XPO6: variants seen among roughly 807,000 people sequenced by gnomAD.
XPO6 encodes exportin 6.
In XPO6, 3 loss-of-function variants were observed where a neutral mutation model predicts 130.0. The observed-to-expected ratio is 0.02, with a 90% CI of 0.01 to 0.06. XPO6 has a LOEUF of 0.06. Among genes scored for constraint, XPO6 ranks in the 10% least tolerant of loss-of-function variants. The pLI, the probability that XPO6 is intolerant of heterozygous loss-of-function variation, is 1.00. For synonymous variants in XPO6, 524 were observed against 548.9 expected (o/e 0.95, Z 0.63); for missense variants, 970 against 1,393.0 (o/e 0.70, Z 4.83).
chr16:28,156,040 T>G (rs1567627394), intron 7 of XPO6, 34 bp downstream of exon 7: 1 of 1,560,658 alleles, frequency 6.4e-7, no homozygotes, highest in African/African-American at 1.4e-5. Flanking sequence ...GGCCCTTTCT[T>G]GGGGCACACC....
Position 28,101,723 on chromosome 16 carries a change from C to T in XPO6, c.3046-35G>A. 1 of 1,589,318 alleles carries T rather than the reference C, an allele frequency of 6.3e-7. No individual in the cohort carries two copies. Among genetic ancestry groups the T allele is most frequent in the South Asian group, 1.1e-5 (1 of 87,908 alleles). On this transcript the variant is annotated intron_variant, in intron 22 of 23. Coordinates refer to ENST00000304658, the MANE Select transcript of XPO6 (RefSeq NM_015171.4). The surrounding 1 kb of genome is among the most constrained non-coding windows in gnomAD (Gnocchi z 5.4). Reference sequence around the variant, plus strand: ...GAGAGACCAGGTGAGCAGCAGCCAGCCCCCAGGGGCCTGTCCCGGGTCCCA... The same window carrying T: ...GAGAGACCAGGTGAGCAGCAGCCAGTCCCCAGGGGCCTGTCCCGGGTCCCA...
chr16:28,180,672 C>T (rs779347030), intron 2 of XPO6, among the ~76,000 whole-genome samples: 38 of 152,074 alleles, frequency 2.5e-4, no homozygotes, highest in African/African-American at 7.2e-4. Flanking sequence ...TCCCACCCCA[C>T]CCTAGACGCC....
intron 17 of XPO6, chr16:28,111,256 T>C (rs2086912956): frequency 6.6e-6 from 1 of 152,268 alleles, no homozygotes; most frequent in Admixed American, 6.5e-5. Flanking sequence ...TTTTAAAATA[T>C]TTCGGTACTA....
At position 28,125,763 on chromosome 16, in the gene XPO6, C is replaced by T; in HGVS notation, c.1692G>A (p.Val564=). 2 of 1,614,232 alleles carry T rather than the reference C, an allele frequency of 1.2e-6. No homozygotes were observed. Among genetic ancestry groups the T allele is most frequent in the African/African-American group, 2.7e-5 (2 of 75,056 alleles). ...LRDLSSLLQA[V]GRLAEYFIGD... Reference sequence around the variant, plus strand: ...CGATAAAGTACTCGGCCAGGCGGCCCACGGCCTGCAGCAGGGAGCTCAAGT... The same window carrying T: ...CGATAAAGTACTCGGCCAGGCGGCCTACGGCCTGCAGCAGGGAGCTCAAGT... The change falls in exon 13 of 24, where the codon GTG becomes GTA. Residue 564 remains valine, a synonymous_variant. Transcript: ENST00000304658.
intron 1 of XPO6, among the ~76,000 whole-genome samples, chr16:28,199,908 G>A (rs1410287455): frequency 1.3e-5 from 2 of 150,896 alleles, no homozygotes; most frequent in African/African-American, 4.9e-5. Context: ...TGTAATCCCA[G>A]CACTTTGGGA....
intron 12 of XPO6, among the ~76,000 whole-genome samples, chr16:28,127,136 C>T (rs2087439802): frequency 6.6e-6 from 1 of 152,198 alleles, no homozygotes; most frequent in Non-Finnish European, 1.5e-5. Context: ...CAACTCAGCT[C>T]TCTCATGGCC....
chr16:28,141,204 C>T (rs1043620309), intron 9 of XPO6, among the ~76,000 whole-genome samples: 3 of 152,238 alleles, frequency 2.0e-5, no homozygotes, highest in African/African-American at 7.2e-5. Flanking sequence ...TCTAATGTCA[C>T]CAGAATCCCT....
intron 6 of XPO6, among the ~76,000 whole-genome samples, chr16:28,163,980 G>C (rs1347357093): frequency 6.6e-6 from 1 of 152,142 alleles, no homozygotes; most frequent in East Asian, 1.9e-4. Flanking sequence ...AACAATTTGG[G>C]GGAACTATGC....
Position 28,101,678 on chromosome 16 carries a change from C to T in XPO6, c.3056G>A (p.Arg1019Gln), listed in dbSNP as rs199516479. The T allele has an allele frequency of 1.7e-3, 2,676 of 1,606,768 alleles. 3 individuals are homozygous for T. The highest frequency in any genetic ancestry group is 2.0e-3 in the Non-Finnish European group (2,341 of 1,174,032). Reference sequence around the variant, plus strand: ...CACAAACTGGAACAGCATGGCAGTCCGGAAGATCTTCTGCAGGCAGAGAGA... The same window carrying T: ...CACAAACTGGAACAGCATGGCAGTCTGGAAGATCTTCTGCAGGCAGAGAGA... The part of the protein sequence containing the change: ...KQKLYHKKIF[R>Q]TAMLFQFVNV... The change falls in exon 23 of 24, where the codon CGG becomes CAG. Residue 1019 changes from arginine (R) to glutamine (Q), a missense_variant. By Grantham distance (43) the Arg-to-Gln change is conservative (BLOSUM62 1). Coordinates refer to ENST00000304658, the MANE Select transcript of XPO6 (RefSeq NM_015171.4). This position sits in a 1 kb window ranked among gnomAD's most constrained non-coding sequence, Gnocchi z 5.4.
intron 3 of XPO6, among the ~76,000 whole-genome samples, chr16:28,176,560 C>T (rs1298563602): frequency 4.0e-5 from 6 of 150,854 alleles, no homozygotes; most frequent in African/African-American, 1.5e-4. Flanking sequence ...TGCAGTGGTG[C>T]AATCTCAGCT....
intron 1 of XPO6, among the ~76,000 whole-genome samples, chr16:28,189,712 G>A (rs1347113218): frequency 1.3e-5 from 2 of 152,146 alleles, no homozygotes; most frequent in Non-Finnish European, 2.9e-5. Context: ...CCCCTCGCAT[G>A]AGAAAGGCTT....
At chr16:28,197,968 A>T (rs1010449154) in intron 1 of XPO6, among the ~76,000 whole-genome samples, 1 of 108,208 alleles carries the variant, frequency 9.2e-6, no homozygotes. Flanking sequence ...GTTTATTAAA[A>T]AAAAAAAAAA....
At chr16:28,129,432 T>C (rs1211276462) in intron 12 of XPO6, among the ~76,000 whole-genome samples, 1 of 152,198 alleles carries the variant, frequency 6.6e-6, no homozygotes, top group South Asian at 2.1e-4. Flanking sequence ...GCACAGGACA[T>C]CTGCAAGGTA....
In XPO6 at chr16:28,169,730, G is replaced by A; in HGVS notation, c.565+20C>T. On this transcript the variant is annotated intron_variant, in intron 5 of 23. Coordinates refer to ENST00000304658, the MANE Select transcript of XPO6 (RefSeq NM_015171.4). ...GCCTGCGGGCAGGCCTCTATCTCTG[G>A]GCACTACCATACTGCTCACCTGTCA... is the stretch of plus-strand genomic sequence containing the variant. 1 of 1,612,330 alleles carries A rather than the reference G, an allele frequency of 6.2e-7. No individual in the cohort carries two copies. Among genetic ancestry groups the A allele is most frequent in the Non-Finnish European group, 8.5e-7 (1 of 1,179,392 alleles).
intron 1 of XPO6, among the ~76,000 whole-genome samples, chr16:28,199,770 G>T (rs551458055): frequency 6.6e-6 from 1 of 151,920 alleles, no homozygotes; most frequent in South Asian, 2.1e-4. Flanking sequence ...GGTCTCGAAC[G>T]CCTGACCTTG....
chr16:28,166,464 T>C (rs1390873806), intron 6 of XPO6, 44 bp downstream of exon 6: 12 of 1,547,538 alleles, frequency 7.8e-6, no homozygotes, highest in Admixed American at 2.0e-5. Context: ...TGGCCCCCAA[T>C]ACATTTAAAA....
intron 15 of XPO6, among the ~76,000 whole-genome samples, chr16:28,114,390 C>T (rs1173827212): frequency 2.0e-5 from 3 of 152,122 alleles, no homozygotes; most frequent in Non-Finnish European, 4.4e-5. Flanking sequence ...AGAGATACTG[C>T]AGGTTCAGCT....
intron 4 of XPO6, chr16:28,172,930 G>A (rs2043476406): frequency 6.6e-6 from 1 of 152,120 alleles, no homozygotes; most frequent in Non-Finnish European, 1.5e-5. Flanking sequence ...GTATCCAAGG[G>A]TTCAAACAAC....
At chr16:28,103,618 G>C (rs1173353153) in intron 21 of XPO6, among the ~76,000 whole-genome samples, 8 of 152,208 alleles carry the variant, frequency 5.3e-5, no homozygotes, top group Admixed American at 2.6e-4. Flanking sequence ...CCAGGCACCA[G>C]CGTGCCAAAG....
Sources: gnomAD v4.1 joint callset for allele counts (sites outside exome capture counted in the v4.1 genomes callset) on GRCh38, gnomAD v4.1.1 for gene constraint, Gnocchi (gnomAD v3.1) non-coding constraint, MANE v1.5 for transcripts, NCBI Gene and HGNC (gene_info 2026-07-23, HGNC 2026-07-21) for gene names.